CEP20: variants seen among roughly 807,000 people sequenced by gnomAD.
The protein encoded by CEP20 is FGFR1OP N-terminal like.
Under a neutral mutation model 20.0 loss-of-function variants are expected in CEP20, and 18 were observed. The ratio of observed to expected loss-of-function variants is 0.90; its 90% CI spans 0.62 to 1.34. CEP20 has a LOEUF of 1.34. Among genes scored for constraint, CEP20 ranks in the 40% most tolerant of loss-of-function variants. The pLI, the probability that CEP20 is intolerant of heterozygous loss-of-function variation, is 0.00. For missense variants in CEP20, 215 were observed against 201.6 expected, an observed-to-expected ratio of 1.07 and a Z score of -0.40; for synonymous variants, 77 against 73.7, an observed-to-expected ratio of 1.04 and a Z score of -0.23.
At chr16:15,881,778 C>A (rs2045103254) in intron 2 of CEP20, among the ~76,000 whole-genome samples, 1 of 152,094 alleles carries the variant, frequency 6.6e-6, no homozygotes, top group Non-Finnish European at 1.5e-5. Context: ...ATATTCTCAC[C>A]ACTCAATAAC....
chr16:15,887,129 T>C (rs568676038), intron 1 of CEP20, among the ~76,000 whole-genome samples: 1 of 152,304 alleles, frequency 6.6e-6, no homozygotes, highest in Non-Finnish European at 1.5e-5. Flanking sequence ...GGTCTTAAAC[T>C]TCTGGGCTCA....
intron 4 of CEP20, among the ~76,000 whole-genome samples, chr16:15,871,474 G>A (rs2044819095): frequency 1.3e-5 from 2 of 151,980 alleles, no homozygotes; most frequent in African/African-American, 4.8e-5. Flanking sequence ...CACTATTAAT[G>A]TTTTATTTTG....
chr16:15,888,155 T>C (rs546574167), intron 1 of CEP20, among the ~76,000 whole-genome samples: 4 of 150,286 alleles, frequency 2.7e-5, no homozygotes, highest in South Asian at 4.3e-4. Context: ...ACCAAGCAAA[T>C]TGTTTAGGGC....
At chr16:15,881,139 C>A (rs1484140045) in intron 2 of CEP20, among the ~76,000 whole-genome samples, 3 of 152,084 alleles carry the variant, frequency 2.0e-5, no homozygotes. Context: ...CTGGTGATAT[C>A]TTGATTGTGA....
At position 15,867,005 on chromosome 16, in the gene CEP20, C is replaced by G. The variant is rs1341335649; in HGVS notation, c.*435G>C. 6.3e-6 allele frequency: 1 copy of G among 157,744 alleles called. No homozygotes were observed. Among genetic ancestry groups the G allele is most frequent in the Non-Finnish European group, 1.4e-5 (1 of 71,158 alleles). The allele number at this position is 157,744 out of a possible 1,614,324, so 9.8% of individuals were successfully genotyped here. On this transcript the variant is annotated 3_prime_UTR_variant, in exon 5 of 5. Transcript: ENST00000255759. ...CACAGATCACCTGAGGTCAGGAGTTCAAGACCAGCCTGGCCAGCATGGTGA... is the reference window on the plus strand; with the variant it reads ...CACAGATCACCTGAGGTCAGGAGTTGAAGACCAGCCTGGCCAGCATGGTGA...
rs215562 is a variant in CEP20, at chr16:15,875,962, G to C, written c.312-2335C>G. On this transcript the variant is annotated intron_variant, in intron 3 of 4. Transcript: ENST00000255759. ...AAAAATACAAAATTAGCCGGGTGTGGTGGCATGCTCCTGTAATCCCAGCTA... is the reference window on the plus strand; with the variant it reads ...AAAAATACAAAATTAGCCGGGTGTGCTGGCATGCTCCTGTAATCCCAGCTA... Among the ~76,000 whole-genome samples the C allele has an allele frequency of 3.9e-3, 597 of 151,924 alleles. 3 individuals are homozygous for C. The highest frequency in any genetic ancestry group is 5.9e-3 in the Non-Finnish European group (404 of 67,962).
chr16:15,876,816 CTTTT>C (rs139036390), intron 3 of CEP20, among the ~76,000 whole-genome samples: 2 of 143,928 alleles, frequency 1.4e-5, no homozygotes, highest in Non-Finnish European at 3.0e-5. Context: ...GTTTTAGCAA[CTTTT>C]TTTTTTGCTT....
intron 4 of CEP20, among the ~76,000 whole-genome samples, chr16:15,872,307 C>G (rs1782709025): frequency 6.7e-6 from 1 of 149,514 alleles, no homozygotes; most frequent in Non-Finnish European, 1.5e-5. Flanking sequence ...GAGCGAGACT[C>G]TGTCTCAAAA....
At chr16:15,875,394 G>A (rs902572794) in intron 3 of CEP20, among the ~76,000 whole-genome samples, 3 of 152,222 alleles carry the variant, frequency 2.0e-5, no homozygotes, top group South Asian at 2.1e-4. Flanking sequence ...TGGGGGCTCA[G>A]GCCTGTAATC....
chr16:15,873,090 T>A (rs3851707), intron 4 of CEP20, among the ~76,000 whole-genome samples: 12,831 of 151,280 alleles, frequency 0.085, 607 homozygotes, highest in Middle Eastern at 0.16. Context: ...TGTTTTTTTT[T>A]AAATTTAATT....
chr16:15,880,166 A>T (rs1476784935), intron 2 of CEP20, among the ~76,000 whole-genome samples: 1 of 152,216 alleles, frequency 6.6e-6, no homozygotes, highest in Non-Finnish European at 1.5e-5. Flanking sequence ...TATAATACTA[A>T]ATTTTGGAAG....
chr16:15,872,389 G>A (rs947756706), intron 4 of CEP20, among the ~76,000 whole-genome samples: 1 of 152,040 alleles, frequency 6.6e-6, no homozygotes, highest in African/African-American at 2.4e-5. Context: ...TTCAAATGGT[G>A]AAAATGGGAT....
chr16:15,868,943 C>T (rs2044747908), intron 4 of CEP20, among the ~76,000 whole-genome samples: 1 of 151,612 alleles, frequency 6.6e-6, no homozygotes, highest in Non-Finnish European at 1.5e-5. Context: ...GTAGTCCCAG[C>T]TGTAGTCCCA....
At chr16:15,882,502 G>A (rs1462745427) in intron 2 of CEP20, among the ~76,000 whole-genome samples, 8 of 151,356 alleles carry the variant, frequency 5.3e-5, no homozygotes, top group African/African-American at 2.0e-4. Flanking sequence ...ACTCCAGCCT[G>A]GGTGACAGAG....
intron 4 of CEP20, among the ~76,000 whole-genome samples, chr16:15,867,988 A>AG (rs1334937756): frequency 6.6e-6 from 1 of 151,676 alleles, no homozygotes; most frequent in Non-Finnish European, 1.5e-5. Context: ...AAAAAAAAAA[A>AG]AAAAAGAAAG....
At chr16:15,876,608 G>C (rs1596997631) in intron 3 of CEP20, among the ~76,000 whole-genome samples, 1 of 152,114 alleles carries the variant, frequency 6.6e-6, no homozygotes, top group African/African-American at 2.4e-5. Context: ...TAGGACTACA[G>C]GCATGTCATT....
chr16:15,873,616 T>TAAAA lies in CEP20; in HGVS notation c.322_323insTTTT (p.Tyr108PhefsTer13). The stretch of plus-strand genomic sequence containing the variant: ...ACGCAAGAAATGGGCTAAAATCCCA[T>TAAAA]ATAAAAGAGGTCTATAGCAGGAAGA... On this transcript the variant is annotated frameshift_variant, in exon 4 of 5. Coordinates refer to ENST00000255759, the MANE Select transcript of CEP20 (RefSeq NM_144600.4). LOFTEE classifies it high-confidence loss of function. 6.2e-7 allele frequency: 1 copy of TAAAA among 1,613,520 alleles called. No individual in the cohort carries two copies.
chr16:15,867,145 T>G lies in CEP20; in HGVS notation c.*295A>C. On this transcript the variant is annotated 3_prime_UTR_variant, in exon 5 of 5. Transcript: ENST00000255759. ...ATCACTTGAATCCGGGAGGCAGAGATTGCAGTGAGCCGAGATCGTGCCACT... is the reference window on the plus strand; with the variant it reads ...ATCACTTGAATCCGGGAGGCAGAGAGTGCAGTGAGCCGAGATCGTGCCACT... 1 of 202,822 alleles carries G rather than the reference T, an allele frequency of 4.9e-6. No homozygotes were observed. Among genetic ancestry groups the G allele is most frequent in the Non-Finnish European group, 1.0e-5 (1 of 99,750 alleles). The allele number at this position is 202,822 out of a possible 1,614,324, so 12.6% of individuals were successfully genotyped here.
At chr16:15,881,782 C>A (rs2151429347) in intron 2 of CEP20, among the ~76,000 whole-genome samples, 1 of 152,234 alleles carries the variant, frequency 6.6e-6, no homozygotes, top group South Asian at 2.1e-4. Flanking sequence ...TCTCACCACT[C>A]AATAACTGTT....
Sources: gnomAD v4.1 joint callset for allele counts (sites outside exome capture counted in the v4.1 genomes callset) on GRCh38, gnomAD v4.1.1 for gene constraint, MANE v1.5 for transcripts, NCBI Gene and HGNC (gene_info 2026-07-23, HGNC 2026-07-21) for gene names.